The following PTPRD variants were observed in gnomAD, a reference collection of about 807,000 sequenced individuals.
PTPRD encodes the protein protein tyrosine phosphatase receptor type D, also known as receptor-type tyrosine-protein phosphatase delta.
PTPRD carries 34 observed loss-of-function variants against 214.5 expected under a neutral mutation model. That is an observed-to-expected ratio of 0.16 (90% CI 0.12 to 0.21). The LOEUF is 0.21. PTPRD is among the 10% of genes least tolerant of loss of function. The pLI is 1.00. For missense variants in PTPRD, 2,545 were observed against 2,398.7 expected (o/e 1.06, Z -1.27); for synonymous variants, 1,128 against 845.7 (o/e 1.33, Z -5.79).
chr9:9,590,858 T>C (rs936554426), intron 7 of PTPRD, among the ~76,000 whole-genome samples: 1 of 152,222 alleles, frequency 6.6e-6, no homozygotes, highest in Middle Eastern at 3.4e-3. Flanking sequence ...TTCTCACGTA[T>C]GTGGCACATG....
chr9:10,449,950 C>G (rs1019397109), intron 2 of PTPRD, among the ~76,000 whole-genome samples: 1 of 151,632 alleles, frequency 6.6e-6, no homozygotes, highest in Admixed American at 6.6e-5. Flanking sequence ...CCCCCAACCC[C>G]GTGCTCTCTG....
chr9:8,321,461 TTGTGTGTG>T (rs4008233), intron 44 of PTPRD, among the ~76,000 whole-genome samples: 4,359 of 85,160 alleles, frequency 0.051, 169 homozygotes, highest in South Asian at 0.15. Flanking sequence ...GAAGTCTTCT[TTGTGTGTG>T]TGTGTGTGTG....
At chr9:9,418,756 G>A (rs939940425) in intron 8 of PTPRD, among the ~76,000 whole-genome samples, 3 of 151,840 alleles carry the variant, frequency 2.0e-5, no homozygotes, top group African/African-American at 7.2e-5. Flanking sequence ...CTTTGCTCTT[G>A]AGCATTGAAA....
chr9:9,172,222 A>T (rs1359866792), intron 10 of PTPRD, among the ~76,000 whole-genome samples: 7 of 152,170 alleles, frequency 4.6e-5, no homozygotes, highest in African/African-American at 1.7e-4. Context: ...ACACAAAATG[A>T]GTGCTGCATG....
intron 2 of PTPRD, among the ~76,000 whole-genome samples, chr9:10,368,918 A>G (rs937880621): frequency 3.3e-5 from 5 of 152,150 alleles, no homozygotes; most frequent in Admixed American, 2.0e-4. Flanking sequence ...GCCAGAGGAT[A>G]TGATTAAGCA....
chr9:8,820,608 G>T (rs1199112984), intron 11 of PTPRD, among the ~76,000 whole-genome samples: 3 of 152,066 alleles, frequency 2.0e-5, no homozygotes, highest in Non-Finnish European at 4.4e-5. Flanking sequence ...TTCAACTCTT[G>T]TTAAACCATC....
intron 11 of PTPRD, among the ~76,000 whole-genome samples, chr9:8,777,932 G>A (rs1208848323): frequency 1.3e-5 from 2 of 152,080 alleles, no homozygotes; most frequent in African/African-American, 4.8e-5. Context: ...GAAATTTTGG[G>A]CTCCATCCTG....
At chr9:9,474,542 T>C (rs560298930) in intron 8 of PTPRD, among the ~76,000 whole-genome samples, 2 of 152,222 alleles carry the variant, frequency 1.3e-5, no homozygotes, top group African/African-American at 4.8e-5. Context: ...GTTACGGTAA[T>C]TTTAAAAATA....
intron 14 of PTPRD, among the ~76,000 whole-genome samples, chr9:8,623,144 C>T (rs1002383532): frequency 4.6e-5 from 7 of 151,770 alleles, no homozygotes; most frequent in African/African-American, 1.7e-4. Context: ...AAGTGGTACC[C>T]TGTCTCTAAA....
chr9:10,196,459 C>T (rs762671036), intron 3 of PTPRD, among the ~76,000 whole-genome samples: 7 of 152,242 alleles, frequency 4.6e-5, no homozygotes, highest in South Asian at 4.1e-4. Context: ...CCTGAACATC[C>T]GTCGAAAGAC....
rs200286121 is a variant in PTPRD at position 8,846,252 on chromosome 9, G to T, written c.-103-112306C>A. Among the ~76,000 whole-genome samples, 5 of 152,276 alleles carry T rather than the reference G, an allele frequency of 3.3e-5. No homozygotes were observed. In the South Asian group the frequency reaches 6.2e-4, roughly 19 times the overall value. The stretch of plus-strand genomic sequence containing the variant: ...ACTGTAGAACCTAAACAGATGGGTT[G>T]TAAGATTTGGGCCGTGAACTAATTC... On this transcript the variant is annotated intron_variant, in intron 11 of 45. Coordinates refer to ENST00000381196, the MANE Select transcript of PTPRD (RefSeq NM_002839.4).
intron 27 of PTPRD, among the ~76,000 whole-genome samples, chr9:8,489,693 A>T (rs1015715096): frequency 6.6e-6 from 1 of 152,188 alleles, no homozygotes; most frequent in African/African-American, 2.4e-5. Context: ...CAGTTGTGGT[A>T]TTTTATCCAG....
intron 9 of PTPRD, among the ~76,000 whole-genome samples, chr9:9,317,281 C>T (rs1368104869): frequency 1.3e-5 from 2 of 152,172 alleles, no homozygotes; most frequent in African/African-American, 2.4e-5. Flanking sequence ...AGCTTCTAGT[C>T]CACTAGCTTA....
chr9:10,013,396 G>C (rs1300686825), intron 4 of PTPRD, among the ~76,000 whole-genome samples: 2 of 151,762 alleles, frequency 1.3e-5, no homozygotes, highest in Admixed American at 6.6e-5. Context: ...AATCAATCCT[G>C]ATTTATGTTA....
intron 43 of PTPRD, among the ~76,000 whole-genome samples, chr9:8,333,693 G>T (rs531687719): frequency 6.6e-6 from 1 of 152,060 alleles, no homozygotes; most frequent in Admixed American, 6.6e-5. Context: ...AATCAAATTT[G>T]CATATAACAA....
At position 9,779,078 on chromosome 9, in the gene PTPRD, C is replaced by CAAAAAAAAAAAAAAAA. The variant is rs869120926; in HGVS notation, c.-367-12243_-367-12228dup. ...GCCATGTGATCTTTCATAAGACTGA[C>CAAAAAAAAAAAAAAAA]AAAAAAAAAAAAAAAAAAAAAAAAA... On this transcript the variant is annotated intron_variant, in intron 5 of 45. Coordinates refer to ENST00000381196, the MANE Select transcript of PTPRD (RefSeq NM_002839.4). Among the ~76,000 whole-genome samples the CAAAAAAAAAAAAAAAA allele has an allele frequency of 4.8e-3, 219 of 45,462 alleles. 39 individuals carry two copies. The highest frequency in any genetic ancestry group is 8.8e-3 in the African/African-American group (99 of 11,264). The allele number at this position is 45,462 out of a possible 152,430, so 29.8% of individuals were successfully genotyped here.
chr9:9,978,332 G>C (rs1246037006), intron 4 of PTPRD, among the ~76,000 whole-genome samples: 2 of 151,798 alleles, frequency 1.3e-5, no homozygotes, highest in Admixed American at 1.3e-4. Flanking sequence ...TAAAAGATGG[G>C]GAACTTTAGC....
chr9:10,073,677 A>T (rs2098078034), intron 3 of PTPRD, among the ~76,000 whole-genome samples: 1 of 152,072 alleles, frequency 6.6e-6, no homozygotes, highest in East Asian at 1.9e-4. Flanking sequence ...ATGAGGAAAG[A>T]GGTCTCATCA....
At position 8,660,421 on chromosome 9, in the gene PTPRD, G is replaced by C. The variant is rs2097017274; in HGVS notation, c.65-23577C>G. ...CCACTGGTGGCAGATGACTGGGTCA[G>C]ATGCATTCAAAAAGATAACACTTAT... On this transcript the variant is annotated intron_variant, in intron 12 of 45. Coordinates refer to ENST00000381196, the MANE Select transcript of PTPRD (RefSeq NM_002839.4). 2.6e-5 allele frequency among the ~76,000 whole-genome samples: 4 copies of C among 152,152 alleles called. No individual in the cohort carries two copies. In the South Asian group the frequency reaches 8.3e-4, roughly 31 times the overall value.
Sources: gnomAD v4.1 joint callset for allele counts (sites outside exome capture counted in the v4.1 genomes callset) on GRCh38, gnomAD v4.1.1 for gene constraint, MANE v1.5 for transcripts, NCBI Gene and HGNC (gene_info 2026-07-23, HGNC 2026-07-21) for gene names.